The following DNAJC7 variants were observed in gnomAD, a reference collection of about 807,000 sequenced individuals.
DNAJC7 encodes the protein dnaJ homolog subfamily C member 7.
A neutral mutation model predicts 67.4 loss-of-function variants in DNAJC7; 18 were observed. The observed-to-expected ratio is 0.27, with a 90% CI of 0.18 to 0.40. The LOEUF is 0.40. Ranked by LOEUF, DNAJC7 falls within the 10% of genes least tolerant of loss-of-function variation. The pLI is 1.00. For synonymous variants in DNAJC7, 220 were observed against 207.8 expected (o/e 1.06, Z -0.50); for missense variants, 419 against 613.8 (o/e 0.68, Z 3.35).
intron 5 of DNAJC7, chr17:41,992,606 AC>A (rs2051538909): frequency 6.6e-6 from 1 of 152,118 alleles, no homozygotes; most frequent in Admixed American, 6.6e-5. Context: ...CAGCAGCCAC[AC>A]CCTGTTGCCT....
Position 41,976,587 on chromosome 17 carries a change from TCA to T in DNAJC7, c.*144_*145del, listed in dbSNP as rs2051086166. The stretch of plus-strand genomic sequence containing the variant: ...ATTGGTTCCCTTTGCTCCACCCCAC[TCA>T]CAGAGACACAGGGCATCCAACTGAG... On this transcript the variant is annotated 3_prime_UTR_variant, in exon 14 of 14. Transcript: ENST00000457167. The T allele has an allele frequency of 1.1e-6, 1 of 921,204 alleles. No individual in the cohort carries two copies. The highest frequency in any genetic ancestry group is 3.4e-5 in the Admixed American group (1 of 29,014). 57.1% of individuals were successfully genotyped at this position (921,204 alleles called of 1,614,324 possible).
At position 41,982,244 on chromosome 17, in the gene DNAJC7, A is replaced by G. The variant is rs542171061; in HGVS notation, c.1231+11T>C. Reference sequence around the variant, plus strand: ...TCTTCCCACTGAGCCCACTCCCCGCACCTACTCTACCTGGATGGTGCATCA... The same window carrying G: ...TCTTCCCACTGAGCCCACTCCCCGCGCCTACTCTACCTGGATGGTGCATCA... On this transcript the variant is annotated intron_variant, in intron 11 of 13. Coordinates refer to ENST00000457167, the MANE Select transcript of DNAJC7 (RefSeq NM_003315.4). 6 of 1,613,864 alleles carry G rather than the reference A, an allele frequency of 3.7e-6. No individual in the cohort carries two copies. In the East Asian group the frequency reaches 1.3e-4, roughly 36 times the overall value.
intron 2 of DNAJC7, among the ~76,000 whole-genome samples, chr17:42,000,184 T>C (rs1359300435): frequency 6.7e-6 from 1 of 149,290 alleles, no homozygotes; most frequent in Admixed American, 6.8e-5. Context: ...AGTGGCACAA[T>C]CTTGGCTCAT....
intron 10 of DNAJC7, among the ~76,000 whole-genome samples, chr17:41,983,259 G>A (rs1555646265): frequency 1.3e-5 from 2 of 152,038 alleles, no homozygotes; most frequent in Non-Finnish European, 2.9e-5. Flanking sequence ...TGAGTGGCTG[G>A]GATTACAGGC....
At chr17:41,997,351 G>C in intron 2 of DNAJC7, 112 bp from the exon 3 acceptor site, 1 of 1,368,962 alleles carries the variant, frequency 7.3e-7, no homozygotes, top group Non-Finnish European at 9.8e-7. Flanking sequence ...TACTTTGGGA[G>C]GCCAAGAGGG....
At chr17:42,013,036 G>A (rs2052161595) in intron 1 of DNAJC7, 1 of 152,162 alleles carries the variant, frequency 6.6e-6, no homozygotes, top group South Asian at 2.1e-4. Context: ...CGAACTCCTG[G>A]CCTCAAGCAA....
intron 2 of DNAJC7, among the ~76,000 whole-genome samples, 193 bp from the exon 3 acceptor site, chr17:41,997,432 CAA>C (rs550691498): frequency 2.2e-4 from 26 of 118,252 alleles, no homozygotes; most frequent in African/African-American, 4.7e-4. Context: ...TACTAAAATA[CAA>C]AAAAAAAAAA....
At chr17:41,982,088 T>C in intron 11 of DNAJC7, 81 bp from the exon 12 acceptor site, 1 of 1,576,462 alleles carries the variant, frequency 6.3e-7, no homozygotes, top group South Asian at 1.2e-5. Flanking sequence ...CTACTTTCTG[T>C]CTAATTTTGG....
intron 10 of DNAJC7, 41 bp from the exon 11 acceptor site, chr17:41,982,442 TG>T (rs1567954960): frequency 1.2e-6 from 2 of 1,607,452 alleles, no homozygotes; most frequent in Non-Finnish European, 1.7e-6. Context: ...AATCTGACTC[TG>T]GTTTTTTCCT....
At chr17:42,007,957 T>C (rs1286952085) in intron 1 of DNAJC7, among the ~76,000 whole-genome samples, 2 of 150,290 alleles carry the variant, frequency 1.3e-5, no homozygotes, top group Non-Finnish European at 3.0e-5. Flanking sequence ...CTGATTCTCC[T>C]GTCTCAGCCT....
intron 10 of DNAJC7, among the ~76,000 whole-genome samples, chr17:41,983,328 T>G (rs1324022172): frequency 6.6e-6 from 1 of 152,160 alleles, no homozygotes; most frequent in Non-Finnish European, 1.5e-5. Context: ...TTCACCATGT[T>G]GGCCAGTCTG....
chr17:41,991,345 G>A (rs1216544981), intron 5 of DNAJC7, among the ~76,000 whole-genome samples: 7 of 152,212 alleles, frequency 4.6e-5, no homozygotes, highest in Admixed American at 2.0e-4. Flanking sequence ...CCATCCACAG[G>A]AGACTGGTTA....
At chr17:41,995,002 CA>C in intron 4 of DNAJC7, 58 bp from the exon 5 acceptor site, 8 of 1,465,440 alleles carry the variant, frequency 5.5e-6, no homozygotes, top group East Asian at 2.3e-5. Flanking sequence ...TAAACAACCA[CA>C]AAAAAATTAA....
At position 41,977,465 on chromosome 17, in the gene DNAJC7, G is replaced by C. The variant is rs552923642; in HGVS notation, c.1385-142C>G. 2,415 of 710,046 alleles carry C rather than the reference G, an allele frequency of 3.4e-3. 24 individuals carry two copies. Among genetic ancestry groups the C allele is most frequent in the Non-Finnish European group, 4.0e-3 (1,686 of 423,128 alleles). 44.0% of individuals were successfully genotyped at this position (710,046 alleles called of 1,614,324 possible). A position where few individuals can be genotyped will look rare whatever the true frequency, so the allele number is the denominator to read the frequency against. On this transcript the variant is annotated intron_variant, in intron 12 of 13. Coordinates refer to ENST00000457167, the MANE Select transcript of DNAJC7 (RefSeq NM_003315.4). ...CCCTCCTTTCCCAACACTTCAGACT[G>C]CAAGTGAGCAAACCTGCCCCATCCC...
intron 5 of DNAJC7, among the ~76,000 whole-genome samples, chr17:41,991,728 G>C (rs1555647815): frequency 6.6e-6 from 1 of 152,124 alleles, no homozygotes; most frequent in Non-Finnish European, 1.5e-5. Flanking sequence ...GTTCAGGCTG[G>C]AGTATCAGTG....
At chr17:41,982,080 A>G in intron 11 of DNAJC7, 73 bp from the exon 12 acceptor site, 5 of 1,583,692 alleles carry the variant, frequency 3.2e-6, no homozygotes, top group Non-Finnish European at 4.3e-6. Context: ...GAGAAAAACT[A>G]CTTTCTGTCT....
chr17:42,008,688 G>C (rs1277309885), intron 1 of DNAJC7, among the ~76,000 whole-genome samples: 3 of 152,094 alleles, frequency 2.0e-5, no homozygotes, highest in African/African-American at 7.2e-5. Flanking sequence ...GGGATTACAG[G>C]CGTGAGCCAC....
intron 1 of DNAJC7, among the ~76,000 whole-genome samples, chr17:42,012,256 G>A (rs774462597): frequency 4.6e-5 from 7 of 152,220 alleles, no homozygotes; most frequent in Non-Finnish European, 7.3e-5. Context: ...AGGACAAGGC[G>A]GGCGGATCAT....
chr17:42,017,222 G>T, intron 1 of DNAJC7, 118 bp downstream of exon 1: 1 of 1,597,466 alleles, frequency 6.3e-7, no homozygotes, highest in South Asian at 1.1e-5. Flanking sequence ...AGATGGGGGG[G>T]TGTTTGCGGA....
Sources: gnomAD v4.1 joint callset for allele counts (sites outside exome capture counted in the v4.1 genomes callset) on GRCh38, gnomAD v4.1.1 for gene constraint, MANE v1.5 for transcripts, NCBI Gene and HGNC (gene_info 2026-07-23, HGNC 2026-07-21) for gene names.